PPP2R2B: variants seen among roughly 807,000 people sequenced by gnomAD.
The protein encoded by PPP2R2B is protein phosphatase 2 regulatory subunit Bbeta.
In PPP2R2B, 5 loss-of-function variants were observed where a neutral mutation model predicts 46.0. That is an observed-to-expected ratio of 0.11 (90% confidence interval 0.06 to 0.23). The LOEUF is 0.23. Ranked by LOEUF, PPP2R2B falls within the 10% of genes least tolerant of loss-of-function variation. PPP2R2B has a pLI of 1.00. For missense variants in PPP2R2B, 367 were observed against 575.0 expected (o/e 0.64, Z 3.70); for synonymous variants, 215 against 206.7 (o/e 1.04, Z -0.34).
intron 2 of PPP2R2B, among the ~76,000 whole-genome samples, chr5:146,845,885 A>G (rs898845335): frequency 3.3e-5 from 5 of 152,188 alleles, no homozygotes; most frequent in African/African-American, 1.2e-4. Context: ...CCAGACCTGT[A>G]CTGTGCAACA....
chr5:146,864,696 C>T (rs1310094344), intron 2 of PPP2R2B, among the ~76,000 whole-genome samples: 3 of 152,120 alleles, frequency 2.0e-5, no homozygotes, highest in Admixed American at 6.6e-5. Context: ...GAGAATTGAG[C>T]CTGCCTCTCC....
chr5:146,730,746 C>T (rs1752177146), intron 2 of PPP2R2B, among the ~76,000 whole-genome samples: 2 of 152,296 alleles, frequency 1.3e-5, no homozygotes, highest in East Asian at 3.9e-4. Context: ...GAGGCCTCCC[C>T]AGACATGTGG....
chr5:146,908,128 C>G (rs796081990), intron 1 of PPP2R2B, among the ~76,000 whole-genome samples: 1 of 152,158 alleles, frequency 6.6e-6, no homozygotes, highest in Admixed American at 6.5e-5. Context: ...GGAGGTACCC[C>G]AGGGCACCAC....
intron 2 of PPP2R2B, among the ~76,000 whole-genome samples, chr5:146,828,063 C>A (rs569590106): frequency 1.3e-5 from 2 of 151,966 alleles, no homozygotes; most frequent in Non-Finnish European, 2.9e-5. Flanking sequence ...TGTACGCTTT[C>A]TTTCATGGTG....
chr5:146,836,618 G>A (rs1188244562), intron 2 of PPP2R2B, among the ~76,000 whole-genome samples: 1 of 152,138 alleles, frequency 6.6e-6, no homozygotes, highest in Non-Finnish European at 1.5e-5. Context: ...GAGGTTCTGT[G>A]GCTTTGCCTA....
At chr5:146,838,691 C>G (rs1156365920) in intron 2 of PPP2R2B, among the ~76,000 whole-genome samples, 1 of 151,942 alleles carries the variant, frequency 6.6e-6, no homozygotes, top group African/African-American at 2.4e-5. Context: ...GTGAGCTACA[C>G]AAGTGAGTTA....
intron 6 of PPP2R2B, 106 bp downstream of exon 6, chr5:146,650,441 G>A (rs764710779): frequency 6.9e-5 from 72 of 1,039,758 alleles, no homozygotes; most frequent in Middle Eastern, 2.1e-4. Context: ...CAAGTTCTCC[G>A]CAAATGCTAG....
At chr5:146,964,619 A>G (rs1336235726) in intron 1 of PPP2R2B, among the ~76,000 whole-genome samples, 1 of 151,988 alleles carries the variant, frequency 6.6e-6, no homozygotes, top group Non-Finnish European at 1.5e-5. Context: ...TTTGCCTCCC[A>G]GGTTCATGCC....
intron 2 of PPP2R2B, among the ~76,000 whole-genome samples, chr5:146,866,255 A>T (rs1391009297): frequency 6.6e-6 from 1 of 152,250 alleles, no homozygotes; most frequent in Non-Finnish European, 1.5e-5. Flanking sequence ...TTCATAGGCA[A>T]TATGAGATCC....
At chr5:146,891,228 G>T (rs1251968247) in intron 1 of PPP2R2B, among the ~76,000 whole-genome samples, 1 of 152,122 alleles carries the variant, frequency 6.6e-6, no homozygotes, top group African/African-American at 2.4e-5. Flanking sequence ...CTTTACTGTG[G>T]GCAAGTTTCT....
chr5:146,836,356 G>A (rs1263525492), intron 2 of PPP2R2B, among the ~76,000 whole-genome samples: 1 of 152,174 alleles, frequency 6.6e-6, no homozygotes, highest in Non-Finnish European at 1.5e-5. Flanking sequence ...TCTTCTCAAG[G>A]CTCTTCAGTA....
chr5:146,698,717 G>A (rs1779359496), intron 3 of PPP2R2B, among the ~76,000 whole-genome samples: 1 of 151,856 alleles, frequency 6.6e-6, no homozygotes, highest in Admixed American at 6.6e-5. Flanking sequence ...CTCATAAGGA[G>A]CAGATTTGGG....
intron 1 of PPP2R2B, among the ~76,000 whole-genome samples, chr5:146,910,665 A>G (rs1222726126): frequency 1.3e-5 from 2 of 152,224 alleles, no homozygotes; most frequent in Admixed American, 6.5e-5. Flanking sequence ...TAAGCACTTA[A>G]TAAATGCTCC....
At chr5:146,833,731 C>T (rs1171704969) in intron 2 of PPP2R2B, among the ~76,000 whole-genome samples, 5 of 151,972 alleles carry the variant, frequency 3.3e-5, no homozygotes, top group Admixed American at 2.6e-4. Flanking sequence ...CTCTCTCCCC[C>T]TGCCCTTCCC....
intron 2 of PPP2R2B, among the ~76,000 whole-genome samples, chr5:146,801,178 G>A (rs1156430686): frequency 6.6e-6 from 1 of 152,030 alleles, no homozygotes; most frequent in Non-Finnish European, 1.5e-5. Flanking sequence ...TGAGGGGGTG[G>A]GGAAGGAGAA....
chr5:147,030,434 A>G (rs1182328179), intron 1 of PPP2R2B, among the ~76,000 whole-genome samples: 1 of 152,150 alleles, frequency 6.6e-6, no homozygotes, highest in African/African-American at 2.4e-5. Flanking sequence ...TCCCTTCTAC[A>G]TGAAGCTTGC....
At chr5:146,891,611 C>A (rs1195579171) in intron 1 of PPP2R2B, among the ~76,000 whole-genome samples, 1 of 152,166 alleles carries the variant, frequency 6.6e-6, no homozygotes, top group Non-Finnish European at 1.5e-5. Context: ...TACCTGCCTA[C>A]TATGTGCTTA....
chr5:146,776,177 G>A (rs779240273), intron 2 of PPP2R2B, among the ~76,000 whole-genome samples: 10 of 152,072 alleles, frequency 6.6e-5, no homozygotes, highest in Non-Finnish European at 1.5e-4. Context: ...AGAGGACCAA[G>A]AATACAAGAA....
intron 1 of PPP2R2B, among the ~76,000 whole-genome samples, chr5:146,895,690 C>T (rs1192098870): frequency 6.6e-6 from 1 of 152,062 alleles, no homozygotes; most frequent in South Asian, 2.1e-4. Context: ...AATTTTGTTC[C>T]TACAAATTTA....
Sources: gnomAD v4.1 joint callset for allele counts (sites outside exome capture counted in the v4.1 genomes callset) on GRCh38, gnomAD v4.1.1 for gene constraint, MANE v1.5 for transcripts, NCBI Gene and HGNC (gene_info 2026-07-23, HGNC 2026-07-21) for gene names.